SPAG17: variants seen among roughly 807,000 people sequenced by gnomAD.
SPAG17 encodes the protein sperm-associated antigen 17.
In SPAG17, 169 loss-of-function variants were observed where a neutral mutation model predicts 273.6. The ratio of observed to expected loss-of-function variants is 0.62; its 90% CI spans 0.55 to 0.70. SPAG17 has a LOEUF of 0.70. Among genes scored for constraint, SPAG17 ranks in the 30% least tolerant of loss-of-function variants. The probability of loss-of-function intolerance (pLI) is 0.00; values close to 1 mark genes in which losing one functional copy is unlikely to be tolerated. For synonymous variants in SPAG17, 825 were observed against 873.2 expected, an observed-to-expected ratio of 0.94 and a Z score of 0.97; for missense variants, 2,557 against 2,627.8, an observed-to-expected ratio of 0.97 and a Z score of 0.59.
intron 25 of SPAG17, among the ~76,000 whole-genome samples, 168 bp from the exon 26 acceptor site, chr1:118,028,562 T>C (rs1648053941): frequency 6.6e-6 from 1 of 152,204 alleles, no homozygotes; most frequent in Non-Finnish European, 1.5e-5. Context: ...TATATTCTAC[T>C]TGCAGACTGG....
intron 3 of SPAG17, among the ~76,000 whole-genome samples, chr1:118,146,566 T>G (rs1300301474): frequency 6.6e-6 from 1 of 152,222 alleles, no homozygotes; most frequent in Non-Finnish European, 1.5e-5. Flanking sequence ...ACCATATAAC[T>G]ACAAATGTAG....
intron 3 of SPAG17, among the ~76,000 whole-genome samples, chr1:118,136,786 A>AGT (rs1189168115): frequency 8.1e-4 from 102 of 126,456 alleles, no homozygotes; most frequent in African/African-American, 2.8e-3. Flanking sequence ...AAAGGGGTAA[A>AGT]GTGTGTGTGT....
Position 117,988,105 on chromosome 1 carries a change from C to T in SPAG17, c.5621G>A (p.Arg1874Lys). Reference sequence around the variant, plus strand: ...AGAACACATTATTGGATTAGCTTACCTCCATGTCTTTTCAAAGAAATCTTT... The same window carrying T: ...AGAACACATTATTGGATTAGCTTACTTCCATGTCTTTTCAAAGAAATCTTT... ...FGKDFFEKTW[R>K]HTASSKRWKE... Residue 1874 changes from arginine (R) to lysine (K), a missense_variant and splice_region_variant, in exon 39 of 49, where the codon AGA becomes AAA. Coordinates refer to ENST00000336338, the MANE Select transcript of SPAG17 (RefSeq NM_206996.4). 5 of 1,598,828 alleles carry T rather than the reference C, an allele frequency of 3.1e-6. No individual in the cohort carries two copies. Among genetic ancestry groups the T allele is most frequent in the African/African-American group, 1.3e-5 (1 of 74,434 alleles).
At chr1:117,989,380 C>G (rs999664568) in intron 38 of SPAG17, among the ~76,000 whole-genome samples, 2 of 151,820 alleles carry the variant, frequency 1.3e-5, no homozygotes, top group African/African-American at 4.8e-5. Flanking sequence ...GATCACATAA[C>G]GAAAAAGGAA....
Position 118,042,062 on chromosome 1 carries a change from ATTTAACAGGAT to A in SPAG17, c.2815-31_2815-21del. 1 of 1,590,150 alleles carries A rather than the reference ATTTAACAGGAT, an allele frequency of 6.3e-7. No homozygotes were observed. Among genetic ancestry groups the A allele is most frequent in the Non-Finnish European group, 8.5e-7 (1 of 1,173,978 alleles). On this transcript the variant is annotated intron_variant, in intron 20 of 48. Transcript: ENST00000336338. ...CCATGCCTGTAAACACATTTAAGAA[ATTTAACAGGAT>A]TTTTAAACGAATTAAACATAGGTTC...
intron 5 of SPAG17, among the ~76,000 whole-genome samples, chr1:118,100,667 G>C (rs557176498): frequency 3.9e-5 from 6 of 152,292 alleles, no homozygotes; most frequent in African/African-American, 1.4e-4. Context: ...ACTGGATTTA[G>C]AGCAGAGATG....
chr1:118,036,243 TGG>T (rs1217938667), intron 24 of SPAG17, among the ~76,000 whole-genome samples: 1 of 151,070 alleles, frequency 6.6e-6, no homozygotes, highest in Non-Finnish European at 1.5e-5. Context: ...AGGAAGGAAG[TGG>T]GGTACAGAAA....
chr1:118,184,385 G>A (rs1330066810), intron 1 of SPAG17, among the ~76,000 whole-genome samples: 1 of 152,124 alleles, frequency 6.6e-6, no homozygotes, highest in Non-Finnish European at 1.5e-5. Flanking sequence ...CTGAAGCTGG[G>A]TGGGGAGCCA....
chr1:117,977,111 A>G (rs1187452777), intron 43 of SPAG17, among the ~76,000 whole-genome samples: 3 of 151,558 alleles, frequency 2.0e-5, no homozygotes, highest in Non-Finnish European at 4.4e-5. Context: ...GGAGTTCGAG[A>G]CCAGACTGGC....
At chr1:118,179,254 G>T (rs1258333643) in intron 1 of SPAG17, among the ~76,000 whole-genome samples, 1 of 152,022 alleles carries the variant, frequency 6.6e-6, no homozygotes, top group Non-Finnish European at 1.5e-5. Context: ...CAATGGAACA[G>T]AATAGAGCAC....
intron 20 of SPAG17, among the ~76,000 whole-genome samples, chr1:118,048,222 C>T (rs1424408817): frequency 6.6e-6 from 1 of 152,078 alleles, no homozygotes; most frequent in East Asian, 1.9e-4. Flanking sequence ...CCTGCAGACT[C>T]AGGCTCAAGG....
At chr1:118,037,927 G>C (rs565015754) in intron 23 of SPAG17, among the ~76,000 whole-genome samples, 1 of 152,258 alleles carries the variant, frequency 6.6e-6, no homozygotes, top group African/African-American at 2.4e-5. Flanking sequence ...CTCATGCAAA[G>C]ATAATTTTTA....
At position 118,086,826 on chromosome 1, in the gene SPAG17, T is replaced by C; in HGVS notation, c.1498-42A>G. ...AATATTGATTTAAAGAGAGGATCTA[T>C]ACTTTTCCAAAGCATGAAGACTCTG... On this transcript the variant is annotated intron_variant, in intron 11 of 48. Transcript: ENST00000336338. 2.5e-6 allele frequency: 4 copies of C among 1,614,154 alleles called. 1 individual carries two copies. The highest frequency in any genetic ancestry group is 3.4e-6 in the Non-Finnish European group (4 of 1,179,974).
intron 3 of SPAG17, among the ~76,000 whole-genome samples, chr1:118,130,290 A>G (rs1657984881): frequency 6.6e-6 from 1 of 152,208 alleles, no homozygotes; most frequent in African/African-American, 2.4e-5. Flanking sequence ...GAACCTAGTT[A>G]AAGATATGGG....
intron 40 of SPAG17, among the ~76,000 whole-genome samples, chr1:117,986,920 C>G (rs1216312584): frequency 6.6e-6 from 1 of 152,176 alleles, no homozygotes; most frequent in Admixed American, 6.5e-5. Context: ...TCATAAGACT[C>G]TCTCATGAGA....
intron 3 of SPAG17, among the ~76,000 whole-genome samples, chr1:118,131,260 T>A (rs1340772337): frequency 6.6e-6 from 1 of 152,212 alleles, no homozygotes; most frequent in East Asian, 1.9e-4. Context: ...TCCACTCCCT[T>A]CTTGATGTTC....
intron 18 of SPAG17, 39 bp downstream of exon 18, chr1:118,066,706 C>G (rs538577768): frequency 6.3e-7 from 1 of 1,575,646 alleles, no homozygotes; most frequent in African/African-American, 1.3e-5. Context: ...GCTAACTAAA[C>G]CCAACTAACT....
chr1:118,037,523 C>A (rs1034110758), intron 23 of SPAG17, among the ~76,000 whole-genome samples: 3 of 152,082 alleles, frequency 2.0e-5, no homozygotes, highest in African/African-American at 7.2e-5. Context: ...CTTAAATAGG[C>A]CCCACTGTCT....
intron 17 of SPAG17, among the ~76,000 whole-genome samples, chr1:118,068,426 T>C (rs1174611446): frequency 6.6e-6 from 1 of 152,150 alleles, no homozygotes; most frequent in African/African-American, 2.4e-5. Context: ...CTGCTCACAC[T>C]ATAAACCCAG....
Sources: gnomAD v4.1 joint callset for allele counts (sites outside exome capture counted in the v4.1 genomes callset) on GRCh38, gnomAD v4.1.1 for gene constraint, MANE v1.5 for transcripts, NCBI Gene and HGNC (gene_info 2026-07-23, HGNC 2026-07-21) for gene names.